Variants in PPARGC1A observed in about 807,000 individuals in gnomAD.
The protein encoded by PPARGC1A is PPARG coactivator 1 alpha.
PPARGC1A carries 25 observed loss-of-function variants against 88.7 expected under a neutral mutation model. The observed-to-expected ratio is 0.28, with a 90% CI of 0.21 to 0.39. PPARGC1A has a LOEUF of 0.39. Among genes scored for constraint, PPARGC1A ranks in the 10% least tolerant of loss-of-function variants. The pLI is 1.00. For synonymous variants in PPARGC1A, 363 were observed against 355.6 expected (o/e 1.02, Z -0.24); for missense variants, 880 against 968.7 (o/e 0.91, Z 1.22).
At chr4:24,296,225 A>G in the PPARGC1A span, among the ~76,000 whole-genome samples, 1 of 150,694 alleles carries the variant, frequency 6.6e-6, no homozygotes, top group Admixed American at 6.6e-5. Flanking sequence ...ATATTTATAT[A>G]TATATAGGGT....
At chr4:24,195,472 A>G in the PPARGC1A span, among the ~76,000 whole-genome samples, 2 of 152,214 alleles carry the variant, frequency 1.3e-5, no homozygotes, top group African/African-American at 2.4e-5. Flanking sequence ...AGCATATTGT[A>G]CATACTCCTT....
chr4:24,366,912 G>A, the PPARGC1A span, among the ~76,000 whole-genome samples: 3 of 152,134 alleles, frequency 2.0e-5, no homozygotes, highest in Non-Finnish European at 4.4e-5. Context: ...CAATTATGCT[G>A]AGATTCCTTC....
At chr4:24,063,103 C>A in the PPARGC1A span, among the ~76,000 whole-genome samples, 245 of 152,258 alleles carry the variant, frequency 1.6e-3, 1 homozygote, top group African/African-American at 5.6e-3. Context: ...TGTGGCAAGT[C>A]CCTCTTCTTC....
At chr4:24,030,368 T>A in the PPARGC1A span, among the ~76,000 whole-genome samples, 1 of 152,196 alleles carries the variant, frequency 6.6e-6, no homozygotes, top group Admixed American at 6.5e-5. Flanking sequence ...GGGGCGTCAT[T>A]TATAATGGCT....
the PPARGC1A span, among the ~76,000 whole-genome samples, chr4:23,967,454 C>T: frequency 4.9e-3 from 747 of 152,264 alleles, 9 homozygotes; most frequent in African/African-American, 0.017. Flanking sequence ...AAAGCAGACG[C>T]ATGCAGACAA....
At chr4:23,934,685 T>C in the PPARGC1A span, among the ~76,000 whole-genome samples, 3 of 152,158 alleles carry the variant, frequency 2.0e-5, no homozygotes, top group East Asian at 5.8e-4. Context: ...TGGTTACATT[T>C]GCAAAAAACC....
At chr4:24,023,827 G>A in the PPARGC1A span, among the ~76,000 whole-genome samples, 1 of 138,130 alleles carries the variant, frequency 7.2e-6, no homozygotes, top group Admixed American at 7.0e-5. Flanking sequence ...ATACTAAGTG[G>A]CAAAAGAAAA....
the PPARGC1A span, among the ~76,000 whole-genome samples, chr4:24,331,386 C>T: frequency 1.3e-5 from 2 of 152,126 alleles, no homozygotes; most frequent in Non-Finnish European, 2.9e-5. Context: ...CTAAAGGAGC[C>T]ACGCCTCCCC....
At position 23,801,617 on chromosome 4, in the gene PPARGC1A, C is replaced by G. The variant is rs1002837260; in HGVS notation, c.2293+113G>C. ...TCTTAAAAATCTGTATTCAAACATT[C>G]CCTTTAGTAAAATAAAGTGATGGTT... On this transcript the variant is annotated intron_variant, in intron 12 of 12. Transcript: ENST00000264867. The G allele has an allele frequency of 4.3e-6, 5 of 1,166,074 alleles. No homozygotes were observed. In the African/African-American group the frequency reaches 7.8e-5, roughly 18 times the overall value. The allele number at this position is 1,166,074 out of a possible 1,614,324, so 72.2% of individuals were successfully genotyped here.
chr4:24,170,410 TC>T, the PPARGC1A span, among the ~76,000 whole-genome samples: 35 of 152,190 alleles, frequency 2.3e-4, no homozygotes, highest in Admixed American at 2.3e-3. Flanking sequence ...TTATTTTCCC[TC>T]CTACCTATAT....
the PPARGC1A span, among the ~76,000 whole-genome samples, chr4:23,927,186 T>C: frequency 1.3e-5 from 2 of 152,226 alleles, no homozygotes; most frequent in Non-Finnish European, 1.5e-5. Flanking sequence ...TAAAATGTAA[T>C]TTATTGAATA....
the PPARGC1A span, among the ~76,000 whole-genome samples, chr4:24,020,353 G>T: frequency 1.3e-5 from 2 of 152,142 alleles, no homozygotes; most frequent in Admixed American, 1.3e-4. Flanking sequence ...CCTCATTTTG[G>T]AGGATTTTTC....
upstream of PPARGC1A, chr4:23,903,913 C>T (rs938979584): frequency 2.1e-6 from 1 of 465,748 alleles, no homozygotes; most frequent in Non-Finnish European, 2.8e-6. Context: ...TAAAAGCCCT[C>T]ATCACCAGAA....
the PPARGC1A span, among the ~76,000 whole-genome samples, chr4:24,270,325 C>CTGTGTGTGTGTGTGTGTG: frequency 1.1e-3 from 76 of 67,320 alleles, no homozygotes; most frequent in African/African-American, 4.1e-3. Context: ...CTCTCTCTCT[C>CTGTGTGTGTGTGTGTGTG]TCTCTCTCTG....
At chr4:24,210,845 C>T in the PPARGC1A span, among the ~76,000 whole-genome samples, 1 of 152,222 alleles carries the variant, frequency 6.6e-6, no homozygotes, top group African/African-American at 2.4e-5. Flanking sequence ...GGGCACTGTA[C>T]TCCTGGAACC....
the PPARGC1A span, among the ~76,000 whole-genome samples, chr4:24,363,086 G>A: frequency 8.3e-3 from 1,268 of 152,320 alleles, 21 homozygotes; most frequent in African/African-American, 0.029. Context: ...AGGAAAATGT[G>A]TCTGGAGATT....
the PPARGC1A span, among the ~76,000 whole-genome samples, chr4:24,127,238 C>T: frequency 1.3e-5 from 2 of 151,982 alleles, no homozygotes; most frequent in Non-Finnish European, 2.9e-5. Flanking sequence ...TTAACCATGG[C>T]ACCATCCACC....
chr4:24,019,831 C>T, the PPARGC1A span, among the ~76,000 whole-genome samples: 1 of 152,188 alleles, frequency 6.6e-6, no homozygotes, highest in Non-Finnish European at 1.5e-5. Flanking sequence ...ACATCACCCA[C>T]ATAGGACTGC....
chr4:24,165,765 C>T, the PPARGC1A span, among the ~76,000 whole-genome samples: 72 of 152,190 alleles, frequency 4.7e-4, no homozygotes, highest in East Asian at 1.5e-3. Flanking sequence ...GATCAATAAA[C>T]GTGTGTGTTC....
Sources: allele counts gnomAD v4.1 joint callset (sites outside exome capture counted in the v4.1 genomes callset), GRCh38; gene constraint gnomAD v4.1.1; transcripts MANE v1.5; gene names NCBI Gene and HGNC (gene_info 2026-07-23, HGNC 2026-07-21).